The following SEL1L3 variants were observed in gnomAD, a reference collection of about 807,000 sequenced individuals.
SEL1L3 encodes the protein SEL1L family member 3.
A neutral mutation model predicts 142.8 loss-of-function variants in SEL1L3; 76 were observed. That is an observed-to-expected ratio of 0.53 (90% CI 0.44 to 0.64). The LOEUF (loss-of-function observed/expected upper bound fraction) is 0.64, where lower values mean the gene tolerates loss of function less well. Ranked by LOEUF, SEL1L3 falls within the 30% of genes least tolerant of loss-of-function variation. SEL1L3 has a pLI of 0.00. For missense variants in SEL1L3, 1,262 were observed against 1,381.7 expected (o/e 0.91, Z 1.37); for synonymous variants, 504 against 519.6 (o/e 0.97, Z 0.41).
chr4:25,808,489 G>A (rs1032067500), intron 9 of SEL1L3, among the ~76,000 whole-genome samples: 7 of 152,134 alleles, frequency 4.6e-5, no homozygotes, highest in South Asian at 4.1e-4. Flanking sequence ...TGGGACCAGC[G>A]TCTGTTCGAG....
chr4:25,845,519 A>G (rs1468828913), intron 2 of SEL1L3, among the ~76,000 whole-genome samples: 2 of 152,186 alleles, frequency 1.3e-5, no homozygotes. Flanking sequence ...GTTTTGAAAA[A>G]TATCAAATGT....
At chr4:25,833,647 G>A in intron 3 of SEL1L3, 78 bp from the exon 4 acceptor site, 1 of 1,299,854 alleles carries the variant, frequency 7.7e-7, no homozygotes, top group Non-Finnish European at 1.0e-6. Context: ...CAATGACCAA[G>A]TAAATTGCTT....
chr4:25,822,038 T>C lies in SEL1L3; in HGVS notation c.1248A>G (p.Gly416=). 6.2e-7 allele frequency: 1 copy of C among 1,613,636 alleles called. No homozygotes were observed. The highest frequency in any genetic ancestry group is 8.5e-7 in the Non-Finnish European group (1 of 1,179,836). Residue 416 remains glycine (G), a synonymous_variant, in exon 7 of 24, where the codon GGA becomes GGG. Transcript: ENST00000399878. ...RYVAGIEGFF[G]PLKYYRLRSL... ...TGCGAAGGCGATAGTACTTCAGGGG[T>C]CCAAAAAACCCTTCAATGCCAGCCA... is the stretch of plus-strand genomic sequence containing the variant.
chr4:25,738,966 GAGGCC>G, the SEL1L3 span, among the ~76,000 whole-genome samples: 1 of 152,100 alleles, frequency 6.6e-6, no homozygotes, highest in African/African-American at 2.4e-5. Context: ...AGCACTTTGG[GAGGCC>G]GAGGCGGGCA....
chr4:25,766,426 C>A (rs547430116), intron 19 of SEL1L3, among the ~76,000 whole-genome samples: 1 of 129,060 alleles, frequency 7.7e-6, no homozygotes, highest in East Asian at 2.2e-4. Flanking sequence ...GGCGACACAG[C>A]AAGACTCCAT....
chr4:25,848,949 G>A (rs1255771641), intron 1 of SEL1L3, among the ~76,000 whole-genome samples: 1 of 152,214 alleles, frequency 6.6e-6, no homozygotes. Flanking sequence ...GACCAGCCTG[G>A]TCAACATGGT....
the SEL1L3 span, among the ~76,000 whole-genome samples, chr4:25,741,592 A>C: frequency 6.6e-6 from 1 of 152,066 alleles, no homozygotes; most frequent in Non-Finnish European, 1.5e-5. Context: ...GTTGTGGTTG[A>C]TTAACATACA....
At chr4:25,769,964 T>C (rs1246505508) in intron 17 of SEL1L3, among the ~76,000 whole-genome samples, 2 of 151,826 alleles carry the variant, frequency 1.3e-5, no homozygotes, top group African/African-American at 4.8e-5. Flanking sequence ...CTGTCTCTAC[T>C]AAAACACAAA....
intron 10 of SEL1L3, 54 bp downstream of exon 10, chr4:25,804,487 C>T: frequency 2.2e-6 from 3 of 1,351,058 alleles, no homozygotes; most frequent in South Asian, 1.2e-5. Flanking sequence ...GAGAGCATTG[C>T]TTTGCAAATA....
At chr4:25,860,526 A>G (rs1717629643) in intron 1 of SEL1L3, 1 of 152,246 alleles carries the variant, frequency 6.6e-6, no homozygotes, top group African/African-American at 2.4e-5. Context: ...CTTCAGTAGT[A>G]TCTTGGGTAG....
intron 16 of SEL1L3, among the ~76,000 whole-genome samples, chr4:25,777,140 A>G (rs1719691729): frequency 6.6e-6 from 1 of 152,132 alleles, no homozygotes; most frequent in Non-Finnish European, 1.5e-5. Context: ...TTGAAAGCAA[A>G]AAAATGGAAA....
At chr4:25,821,625 G>C (rs1714764653) in intron 7 of SEL1L3, among the ~76,000 whole-genome samples, 1 of 152,202 alleles carries the variant, frequency 6.6e-6, no homozygotes, top group Non-Finnish European at 1.5e-5. Flanking sequence ...ATTTGCTACA[G>C]TATCTCTTCT....
At chr4:25,860,341 C>A (rs1717611353) in intron 1 of SEL1L3, among the ~76,000 whole-genome samples, 1 of 152,212 alleles carries the variant, frequency 6.6e-6, no homozygotes, top group Non-Finnish European at 1.5e-5. Flanking sequence ...CCTGCCCAGC[C>A]CCATCCCCCT....
At chr4:25,785,486 T>G (rs942669633) in intron 13 of SEL1L3, among the ~76,000 whole-genome samples, 10 of 152,246 alleles carry the variant, frequency 6.6e-5, no homozygotes, top group African/African-American at 2.2e-4. Context: ...CCAGGAACCA[T>G]GCAGGATATG....
chr4:25,847,698 A>G lies in SEL1L3; in HGVS notation c.329T>C (p.Val110Ala). ...TGAAACAACTGCTTCCAAATTGACA[A>G]CACAAGGCTGAGAGCATAAATACTC... ...SVEYLCSQPCVVNLEAVVSSE... is the reference protein window; with the variant it reads ...SVEYLCSQPCAVNLEAVVSSE... Residue 110 changes from valine (V) to alanine (A), a missense_variant, in exon 2 of 24, where the codon GTT becomes GCT. Physicochemically the swap from Val to Ala is moderately conservative, Grantham distance 64 (BLOSUM62 0). Around this residue, in one of 3 missense-constraint regions of SEL1L3, gnomAD observed 689 missense variants for 692.8 expected, o/e 0.99. Coordinates refer to ENST00000399878, the MANE Select transcript of SEL1L3 (RefSeq NM_015187.5). The G allele has an allele frequency of 6.2e-7, 1 of 1,613,990 alleles. No individual in the cohort carries two copies. The highest frequency in any genetic ancestry group is 8.5e-7 in the Non-Finnish European group (1 of 1,179,890).
intron 19 of SEL1L3, among the ~76,000 whole-genome samples, chr4:25,766,097 T>C (rs1190728977): frequency 6.6e-6 from 1 of 152,214 alleles, no homozygotes; most frequent in Non-Finnish European, 1.5e-5. Flanking sequence ...AACTCTTTGC[T>C]TTAGCCATGT....
intron 1 of SEL1L3, among the ~76,000 whole-genome samples, chr4:25,853,726 CA>C (rs1717057895): frequency 8.0e-6 from 1 of 124,700 alleles, no homozygotes; most frequent in Non-Finnish European, 1.6e-5. Flanking sequence ...GGCTGGAGTG[CA>C]ATAGGGCAAT....
Position 25,847,653 on chromosome 4 carries a change from A to T in SEL1L3, c.374T>A (p.Ile125Asn). The change falls in exon 2 of 24, where the codon ATT becomes AAT. Residue 125 changes from isoleucine (I) to asparagine (N), a missense_variant. Around this residue, in one of 3 missense-constraint regions of SEL1L3, gnomAD observed 689 missense variants for 692.8 expected, o/e 0.99. Coordinates refer to ENST00000399878, the MANE Select transcript of SEL1L3 (RefSeq NM_015187.5). ...AVVSSEFRSS[I>N]PVYKKRWKNE... is the part of the protein sequence containing the mutation. ...CTTCCACCTTTTTTTGTACACGGGA[A>T]TGCTACTTCTGAACTCAGATGAAAC... The T allele has an allele frequency of 6.2e-7, 1 of 1,613,996 alleles. No individual in the cohort carries two copies. Among genetic ancestry groups the T allele is most frequent in the Non-Finnish European group, 8.5e-7 (1 of 1,179,858 alleles).
chr4:25,862,756 G>A lies in SEL1L3; in HGVS notation c.81C>T (p.Ala27=), dbSNP rs1225922593. The change falls in exon 1 of 24, where the codon GCC becomes GCT. Residue 27 remains alanine, a synonymous_variant. Transcript: ENST00000399878. The part of the protein sequence containing the change: ...QPPPLAVGPR[A]AAMVPSGGVP... ...CGCCGCCACTCGGGACCATGGCTGC[G>A]GCCCGGGGGCCGACCGCGAGCGGCG... The A allele has an allele frequency of 1.7e-6, 2 of 1,211,500 alleles. No individual in the cohort carries two copies. The highest frequency in any genetic ancestry group is 2.0e-6 in the Non-Finnish European group (2 of 975,774). 75.0% of individuals were successfully genotyped at this position (1,211,500 alleles called of 1,614,324 possible).
Sources: allele counts gnomAD v4.1 joint callset (sites outside exome capture counted in the v4.1 genomes callset), GRCh38; gene constraint gnomAD v4.1.1; regional missense constraint gnomAD v4.1.1; transcripts MANE v1.5; gene names NCBI Gene and HGNC (gene_info 2026-07-23, HGNC 2026-07-21).